Variants in BCL9L observed in about 807,000 individuals in gnomAD.
The protein encoded by BCL9L is B-cell CLL/lymphoma 9-like protein.
Under a neutral mutation model 99.4 loss-of-function variants are expected in BCL9L, and 19 were observed. The observed-to-expected ratio is 0.19, with a 90% confidence interval of 0.13 to 0.28. The LOEUF (loss-of-function observed/expected upper bound fraction) is 0.28, where lower values mean the gene tolerates loss of function less well. BCL9L is among the 10% of genes least tolerant of loss of function. The probability of loss-of-function intolerance (pLI) is 1.00; values close to 1 mark genes in which losing one functional copy is unlikely to be tolerated. For missense variants in BCL9L, 2,023 were observed against 2,101.6 expected, an observed-to-expected ratio of 0.96 and a Z score of 0.73; for synonymous variants, 900 against 854.8, an observed-to-expected ratio of 1.05 and a Z score of -0.92.
rs965417075 is a variant in BCL9L, at chr11:118,901,879, T to C, written c.1864A>G (p.Met622Val). The C allele has an allele frequency of 8.7e-6, 14 of 1,613,116 alleles. No homozygotes were observed. Among genetic ancestry groups the C allele is most frequent in the Non-Finnish European group, 1.1e-5 (13 of 1,179,312 alleles). ...TGCATGGCATTCATGGGCACCTCCATGGGCATACTCTGCATGCCCCCAAAC... is the reference window on the plus strand; with the variant it reads ...TGCATGGCATTCATGGGCACCTCCACGGGCATACTCTGCATGCCCCCAAAC... The part of the protein sequence containing the change: ...PGFGGMQSMP[M>V]EVPMNAMQRP... The change falls in exon 8 of 10, where the codon ATG (methionine) becomes GTG (valine). Residue 622 changes from methionine (M) to valine (V), a missense_variant. Met to Val is a conservative substitution (Grantham distance 21). This residue lies in a region of BCL9L where 1,116 missense variants were observed against 1,194.6 expected (regional missense o/e 0.93). Transcript: ENST00000683865. This position sits in a 1 kb window ranked among gnomAD's most constrained non-coding sequence, Gnocchi z 6.6.
intron 1 of BCL9L, among the ~76,000 whole-genome samples, chr11:118,920,298 C>T (rs763910281): frequency 2.0e-5 from 3 of 152,070 alleles, no homozygotes; most frequent in Admixed American, 6.5e-5. Flanking sequence ...AATCAAAAAA[C>T]CCTAGGAACC....
rs752527554 is a variant in BCL9L, at chr11:118,902,665, T to C, written c.1078A>G (p.Thr360Ala). Residue 360 changes from threonine to alanine, a missense_variant, in exon 8 of 10, where the codon ACC (threonine) becomes GCC (alanine). Coordinates refer to ENST00000683865, the MANE Select transcript of BCL9L (RefSeq NM_001378213.1). This position sits in a 1 kb window ranked among gnomAD's most constrained non-coding sequence, Gnocchi z 7.8. ...CCAGGAGGCAGAGGGTTGTTGGCGGTGGTAGCCGTCGGGGTGTTAGGGTGG... is the reference window on the plus strand; with the variant it reads ...CCAGGAGGCAGAGGGTTGTTGGCGGCGGTAGCCGTCGGGGTGTTAGGGTGG... ...GTHPNTPTAT[T>A]ANNPLPPGGD... 20 of 1,598,830 alleles carry C rather than the reference T, an allele frequency of 1.3e-5. No homozygotes were observed. In the East Asian group the frequency reaches 1.8e-4, roughly 14 times the overall value.
In BCL9L at chr11:118,914,377, AGCGCCC is replaced by A. The variant is rs1420919668; in HGVS notation, c.-76-4368_-76-4363del. 6.6e-6 allele frequency among the ~76,000 whole-genome samples: 1 copy of A among 152,134 alleles called. No individual in the cohort carries two copies. Among genetic ancestry groups the A allele is most frequent in the Admixed American group, 6.5e-5 (1 of 15,270 alleles). On this transcript the variant is annotated intron_variant, in intron 2 of 9. Transcript: ENST00000683865. This position sits in a 1 kb window ranked among gnomAD's most constrained non-coding sequence, Gnocchi z 4.4. ...AGCGCACCACGGTGGGACCTCACCC[AGCGCCC>A]GCCCGCCTGCCTGCCTGCTCTGCTC... is the stretch of plus-strand genomic sequence containing the variant.
chr11:118,900,556 G>T lies in BCL9L; in HGVS notation c.3124+63C>A. ...CTTACTCACTCACTGCCCAGCCCCA[G>T]CATGGACACACTGCTCAGCGCCTGC... On this transcript the variant is annotated intron_variant, in intron 8 of 9. Transcript: ENST00000683865. The surrounding 1 kb of genome is among the most constrained non-coding windows in gnomAD (Gnocchi z 5.3). The T allele has an allele frequency of 6.5e-7, 1 of 1,540,532 alleles. No homozygotes were observed. The highest frequency in any genetic ancestry group is 8.7e-7 in the Non-Finnish European group (1 of 1,147,202).
chr11:118,920,889 G>A (rs1319881788), intron 1 of BCL9L, among the ~76,000 whole-genome samples: 1 of 152,156 alleles, frequency 6.6e-6, no homozygotes, highest in East Asian at 1.9e-4. Context: ...ATGTCCCAGG[G>A]AGCTGTGGGG....
At position 118,899,543 on chromosome 11, in the gene BCL9L, TGTGCCCAGCTCGGGGAGG is replaced by T. The variant is rs765150718; in HGVS notation, c.3407-53_3407-36del. On this transcript the variant is annotated intron_variant, in intron 9 of 9. Transcript: ENST00000683865. ...ATAGAAGACAGGGGGTCAGGCACGG[TGTGCCCAGCTCGGGGAGG>T]GTGCAGGGCTCAGGCCTTCCCCACT... 1.9e-6 allele frequency: 3 copies of T among 1,598,268 alleles called. No individual in the cohort carries two copies. In the Admixed American group the frequency reaches 5.3e-5, roughly 28 times the overall value.
intron 9 of BCL9L, 87 bp downstream of exon 9, chr11:118,899,830 A>G: frequency 1.3e-6 from 2 of 1,488,360 alleles, no homozygotes; most frequent in Non-Finnish European, 1.8e-6. Flanking sequence ...TCAGAGGCAC[A>G]AAAAAGCCAG....
At chr11:118,906,417 G>A (rs1316859484) in intron 5 of BCL9L, among the ~76,000 whole-genome samples, 1 of 152,142 alleles carries the variant, frequency 6.6e-6, no homozygotes, top group Non-Finnish European at 1.5e-5. Context: ...GCTAGCTGTA[G>A]AGGTTTGGTA....
At chr11:118,913,625 G>A (rs925825862) in intron 2 of BCL9L, among the ~76,000 whole-genome samples, 9 of 152,068 alleles carry the variant, frequency 5.9e-5, no homozygotes, top group Non-Finnish European at 1.2e-4. Flanking sequence ...CCAGGCAGGC[G>A]GCGGGCACTC....
chr11:118,903,449 C>T lies in BCL9L; in HGVS notation c.536G>A (p.Cys179Tyr), dbSNP rs774878443. The T allele has an allele frequency of 3.1e-6, 5 of 1,613,250 alleles. No individual in the cohort carries two copies. In the South Asian group the frequency reaches 5.5e-5, roughly 18 times the overall value. The part of the protein sequence containing the change: ...DDKPIGATHN[C>Y]NVADPAMAAP... ...CGCCATGGCTGGGTCTGCTACATTA[C>T]AATCTGCAGGAGAGAGGACAGGGAA... The change falls in exon 6 of 10, where the codon TGT becomes TAT. Residue 179 changes from cysteine (C) to tyrosine (Y), a missense_variant. Cys to Tyr is a radical substitution (Grantham distance 194). This residue lies in a region of BCL9L where 1,116 missense variants were observed against 1,194.6 expected (regional missense o/e 0.93). Coordinates refer to ENST00000683865, the MANE Select transcript of BCL9L (RefSeq NM_001378213.1). The surrounding 1 kb of genome is among the most constrained non-coding windows in gnomAD (Gnocchi z 5.6).
intron 3 of BCL9L, 41 bp from the exon 4 acceptor site, chr11:118,908,696 A>T: frequency 1.3e-6 from 2 of 1,562,562 alleles, no homozygotes; most frequent in Non-Finnish European, 1.7e-6. Context: ...TAACCTTGCT[A>T]GGGGCTAGGC....
chr11:118,896,909 T>A lies in BCL9L; in HGVS notation c.*1506A>T, dbSNP rs1218627529. On this transcript the variant is annotated 3_prime_UTR_variant, in exon 10 of 10. Transcript: ENST00000683865. ...AGTTTTTTTACTCCTGGGGCCAAAG[T>A]AGGGGGACAAACACCCAGTCGTATA... 6.6e-6 allele frequency: 1 copy of A among 152,636 alleles called. No individual in the cohort carries two copies. The highest frequency in any genetic ancestry group is 1.5e-5 in the Non-Finnish European group (1 of 68,048). The allele number at this position is 152,636 out of a possible 1,614,324, so 9.5% of individuals were successfully genotyped here. A position where few individuals can be genotyped will look rare whatever the true frequency, so the allele number is the denominator to read the frequency against.
chr11:118,919,988 CT>C (rs779275629), intron 1 of BCL9L, among the ~76,000 whole-genome samples: 81 of 152,284 alleles, frequency 5.3e-4, no homozygotes, highest in Non-Finnish European at 4.1e-4. Flanking sequence ...ACCTGTACCC[CT>C]CCCTTCCTCC....
At position 118,899,115 on chromosome 11, in the gene BCL9L, G is replaced by T. The variant is rs1940077798; in HGVS notation, c.3800C>A (p.Pro1267His). 1 of 1,570,534 alleles carries T rather than the reference G, an allele frequency of 6.4e-7. No homozygotes were observed. The highest frequency in any genetic ancestry group is 1.3e-5 in the African/African-American group (1 of 74,164). ...SGMALPPEDL[P>H]NQPPGPMPPQ... ...AGGCATGGGGCCTGGCGGCTGGTTGGGCAGGTCCTCGGGAGGCAGGGCCAT... is the reference window on the plus strand; with the variant it reads ...AGGCATGGGGCCTGGCGGCTGGTTGTGCAGGTCCTCGGGAGGCAGGGCCAT... Residue 1267 changes from proline to histidine, a missense_variant, in exon 10 of 10, where the codon CCC (proline) becomes CAC (histidine). Around this residue, in one of 3 missense-constraint regions of BCL9L, gnomAD observed 902 missense variants for 888.2 expected, o/e 1.02. Coordinates refer to ENST00000683865, the MANE Select transcript of BCL9L (RefSeq NM_001378213.1).
chr11:118,900,088 G>A lies in BCL9L; in HGVS notation c.3235C>T (p.Pro1079Ser), dbSNP rs1312350192. ...LPFTSSPDPTPSQNPLSLMMT... is the reference protein window; with the variant it reads ...LPFTSSPDPTSSQNPLSLMMT... Reference sequence around the variant, plus strand: ...ATCAGTGACAGGGGGTTCTGGGAAGGTGTGGGGTCTGGGGAGGAAGTGAAT... The same window carrying A: ...ATCAGTGACAGGGGGTTCTGGGAAGATGTGGGGTCTGGGGAGGAAGTGAAT... The change falls in exon 9 of 10, where the codon CCT becomes TCT. Residue 1079 changes from proline to serine, a missense_variant. Pro to Ser is a moderately conservative substitution (Grantham distance 74, BLOSUM62 -1). Transcript: ENST00000683865. The surrounding 1 kb of genome is among the most constrained non-coding windows in gnomAD (Gnocchi z 5.3). 5 of 1,613,936 alleles carry A rather than the reference G, an allele frequency of 3.1e-6. No individual in the cohort carries two copies. Among genetic ancestry groups the A allele is most frequent in the East Asian group, 2.2e-5 (1 of 44,884 alleles).
In BCL9L at chr11:118,898,067, TC is replaced by T. The variant is rs2137671830; in HGVS notation, c.*347del. The T allele has an allele frequency of 2.2e-6, 1 of 450,432 alleles. No homozygotes were observed. The highest frequency in any genetic ancestry group is 4.6e-5 in the East Asian group (1 of 21,674). The allele number at this position is 450,432 out of a possible 1,614,324, so 27.9% of individuals were successfully genotyped here. A position where few individuals can be genotyped will look rare whatever the true frequency, so the allele number is the denominator to read the frequency against. ...CTGTCCTTCCTCTCTCCCCCCAGAT[TC>T]CCATCCAGGACTCCAAAAGCATAGC... On this transcript the variant is annotated 3_prime_UTR_variant, in exon 10 of 10. Coordinates refer to ENST00000683865, the MANE Select transcript of BCL9L (RefSeq NM_001378213.1).
chr11:118,906,653 C>G (rs1940532633), intron 5 of BCL9L, among the ~76,000 whole-genome samples: 1 of 152,086 alleles, frequency 6.6e-6, no homozygotes, highest in Non-Finnish European at 1.5e-5. Context: ...TGGCTAGTTT[C>G]TTTTTCTTCT....
Position 118,922,412 on chromosome 11 carries a change from C to G in BCL9L, c.-131+2826G>C, listed in dbSNP as rs1437049411. 6.6e-6 allele frequency among the ~76,000 whole-genome samples: 1 copy of G among 152,242 alleles called. No homozygotes were observed. The highest frequency in any genetic ancestry group is 1.5e-5 in the Non-Finnish European group (1 of 68,036). On this transcript the variant is annotated intron_variant, in intron 1 of 9. Transcript: ENST00000683865. This position sits in a 1 kb window ranked among gnomAD's most constrained non-coding sequence, Gnocchi z 6.2. ...TGGCAGGAGCTCCCACCAGCCCCAT[C>G]CCGGCTCCTCTGGCCAGTTAGAGCT...
chr11:118,904,105 A>G (rs1940404469), intron 5 of BCL9L, among the ~76,000 whole-genome samples: 1 of 152,230 alleles, frequency 6.6e-6, no homozygotes, highest in Admixed American at 6.5e-5. Flanking sequence ...ATATTTTTTA[A>G]CAGTAAGTTT....
Sources: gnomAD v4.1 joint callset for allele counts (sites outside exome capture counted in the v4.1 genomes callset) on GRCh38, gnomAD v4.1.1 for gene constraint, gnomAD v4.1.1 regional missense constraint, Gnocchi (gnomAD v3.1) non-coding constraint, MANE v1.5 for transcripts, NCBI Gene and HGNC (gene_info 2026-07-23, HGNC 2026-07-21) for gene names.